The following CHD2 variants were observed in gnomAD, a reference collection of about 807,000 sequenced individuals.
CHD2 encodes chromodomain helicase DNA binding protein 2, also known as ATP-dependent chromatin remodeler CHD2.
A neutral mutation model predicts 243.9 loss-of-function variants in CHD2; 28 were observed. That is an observed-to-expected ratio of 0.11 (90% CI 0.09 to 0.16). The LOEUF is 0.16. CHD2 is among the 10% of genes least tolerant of loss of function. CHD2 has a pLI of 1.00. For missense variants in CHD2, 1,386 were observed against 2,209.8 expected (o/e 0.63, Z 7.47); for synonymous variants, 775 against 779.0 (o/e 0.99, Z 0.09).
At chr15:92,946,994 G>A (rs1386633609) in intron 12 of CHD2, 1 of 151,838 alleles carries the variant, frequency 6.6e-6, no homozygotes, top group East Asian at 1.9e-4. Flanking sequence ...TGAATTCTAA[G>A]TTAGAAATTA....
rs2054195849 is a variant in CHD2 at position 92,996,894 on chromosome 15, AC to A, written c.3596-62del. On this transcript the variant is annotated intron_variant, in intron 28 of 38. Coordinates refer to ENST00000394196, the MANE Select transcript of CHD2 (RefSeq NM_001271.4). ...GACTAAGAGGTCAGGGTTCGTTGAT[AC>A]ATGTTTTCTGTGGAACTTCTGCAGA... 2.0e-6 allele frequency: 3 copies of A among 1,519,560 alleles called. No homozygotes were observed. The South Asian group carries it at 3.8e-5, about 19-fold the overall frequency. The allele number at this position is 1,519,560 out of a possible 1,614,324, so 94.1% of individuals were successfully genotyped here.
At chr15:93,019,919 G>C (rs994004275) in intron 37 of CHD2, 93 bp from the exon 38 acceptor site, 1 of 1,446,448 alleles carries the variant, frequency 6.9e-7, no homozygotes, top group African/African-American at 1.4e-5. Context: ...GGCAAACAGA[G>C]CACGACTCCA....
intron 18 of CHD2, 137 bp downstream of exon 18, chr15:92,972,064 G>A: frequency 9.3e-7 from 1 of 1,076,578 alleles, no homozygotes; most frequent in East Asian, 2.6e-5. Context: ...GAGAGAAAAG[G>A]TAACTAAGAA....
rs372731231 is a variant in CHD2 at position 93,009,498 on chromosome 15, A to G, written c.4592+175A>G. The stretch of plus-strand genomic sequence containing the variant: ...CCCTTTCCATGAAATAGGCCATTCC[A>G]CTGAGACCAGCCTTTTGAAGGGGTA... On this transcript the variant is annotated intron_variant, in intron 35 of 38. Transcript: ENST00000394196. 4.9e-4 allele frequency: 291 copies of G among 588,496 alleles called. 1 individual carries two copies. Among genetic ancestry groups the G allele is most frequent in the African/African-American group, 4.9e-3 (265 of 54,060 alleles). The allele number at this position is 588,496 out of a possible 1,614,324, so 36.5% of individuals were successfully genotyped here. A position where few individuals can be genotyped will look rare whatever the true frequency, so the allele number is the denominator to read the frequency against.
rs2054581370 is a variant in CHD2, at chr15:93,025,694, A to G, written c.*989A>G. 1 of 152,278 alleles carries G rather than the reference A, an allele frequency of 6.6e-6. No homozygotes were observed. The highest frequency in any genetic ancestry group is 2.4e-5 in the African/African-American group (1 of 41,444). The allele number at this position is 152,278 out of a possible 1,614,324, so 9.4% of individuals were successfully genotyped here. ...TGCTGACCAACTTGTTGCAATCACA[A>G]AGGTGGGGGTCCTGGTGCAGGCAGT... On this transcript the variant is annotated 3_prime_UTR_variant, in exon 39 of 39. Transcript: ENST00000394196.
intron 17 of CHD2, among the ~76,000 whole-genome samples, chr15:92,969,482 C>T (rs2053811825): frequency 6.6e-6 from 1 of 152,224 alleles, no homozygotes; most frequent in Non-Finnish European, 1.5e-5. Context: ...GAGTCCGAGG[C>T]TGTTGAGTCT....
In CHD2 at chr15:93,024,789, C is replaced by A; in HGVS notation, c.*84C>A. ...ATCCTACAGTAGCCGGTTATCTAGA[C>A]CAGTAAGTGGAGTTTTGGACATGCT... On this transcript the variant is annotated 3_prime_UTR_variant, in exon 39 of 39. Transcript: ENST00000394196. The A allele has an allele frequency of 2.5e-6, 3 of 1,193,700 alleles. No individual in the cohort carries two copies. Among genetic ancestry groups the A allele is most frequent in the Non-Finnish European group, 3.5e-6 (3 of 852,750 alleles). The allele number at this position is 1,193,700 out of a possible 1,614,324, so 73.9% of individuals were successfully genotyped here.
intron 2 of CHD2, among the ~76,000 whole-genome samples, chr15:92,908,150 C>T (rs2052657102): frequency 6.6e-6 from 1 of 151,846 alleles, no homozygotes; most frequent in Admixed American, 6.6e-5. Context: ...CCCACTCCCC[C>T]AAGCTGATAA....
intron 34 of CHD2, among the ~76,000 whole-genome samples, chr15:93,005,689 C>T (rs1422287445): frequency 6.6e-6 from 1 of 152,166 alleles, no homozygotes; most frequent in Non-Finnish European, 1.5e-5. Context: ...TTTCTTTGCA[C>T]TTAACTCTGT....
chr15:92,939,656 G>GGAT lies in CHD2; in HGVS notation c.642_644dup (p.Asp215dup). On this transcript the variant is annotated inframe_insertion, in exon 7 of 39. Transcript: ENST00000394196. The stretch of plus-strand genomic sequence containing the variant: ...GAAAAAAGCAAGATTCTTCTGATGA[G>GGAT]GATGATGATGATGACGAAGCTCCCA... The GGAT allele has an allele frequency of 1.2e-6, 2 of 1,614,052 alleles. No homozygotes were observed. The highest frequency in any genetic ancestry group is 1.7e-6 in the Non-Finnish European group (2 of 1,179,974).
chr15:93,019,354 A>G (rs970280070), intron 37 of CHD2, among the ~76,000 whole-genome samples: 1 of 152,202 alleles, frequency 6.6e-6, no homozygotes, highest in African/African-American at 2.4e-5. Flanking sequence ...AGTCTGCCAC[A>G]GATTGGAAGG....
intron 17 of CHD2, among the ~76,000 whole-genome samples, chr15:92,968,616 T>A (rs1052129646): frequency 6.6e-6 from 1 of 152,216 alleles, no homozygotes; most frequent in African/African-American, 2.4e-5. Context: ...GGTGGAATAC[T>A]TTTATAAAAA....
Position 92,972,505 on chromosome 15 carries a change from T to C in CHD2, c.2505+88T>C. 5 of 1,176,350 alleles carry C rather than the reference T, an allele frequency of 4.3e-6. 1 individual carries two copies. Among genetic ancestry groups the C allele is most frequent in the South Asian group, 3.8e-5 (2 of 53,094 alleles). 72.9% of individuals were successfully genotyped at this position (1,176,350 alleles called of 1,614,324 possible). ...ACCTTCCTACACTGGGTTGTATGCT[T>C]TGCTTGTTAAAGTAGGAAGTAAGAG... On this transcript the variant is annotated intron_variant, in intron 19 of 38. Transcript: ENST00000394196.
intron 16 of CHD2, among the ~76,000 whole-genome samples, chr15:92,966,099 T>C (rs2053759709): frequency 6.7e-6 from 1 of 149,512 alleles, no homozygotes; most frequent in African/African-American, 2.5e-5. Flanking sequence ...AGAGTCTCAC[T>C]GTCACCCAGG....
chr15:92,976,188 G>A lies in CHD2; in HGVS notation c.2577+1238G>A, dbSNP rs563696228. On this transcript the variant is annotated intron_variant, in intron 20 of 38. Transcript: ENST00000394196. ...GAATGTTTCATATTGCCCTGTCTCA[G>A]GGGAAAAAAAAAATTGCTTTTTGCA... is the stretch of plus-strand genomic sequence containing the variant. Among the ~76,000 whole-genome samples, 11 of 151,438 alleles carry A rather than the reference G, an allele frequency of 7.3e-5. 1 individual carries two copies. Among genetic ancestry groups the A allele is most frequent in the Non-Finnish European group, 2.9e-5 (2 of 67,912 alleles).
In CHD2 at chr15:93,002,641, A is replaced by G. The variant is rs191508663; in HGVS notation, c.4278+324A>G. On this transcript the variant is annotated intron_variant, in intron 33 of 38. Transcript: ENST00000394196. The stretch of plus-strand genomic sequence containing the variant: ...ATACGAAATACGTTCTCAGATTCAT[A>G]TTAGAGGAGCACAATCCACAACTGA... Among the ~76,000 whole-genome samples the G allele has an allele frequency of 5.3e-5, 8 of 152,370 alleles. No homozygotes were observed. The East Asian group carries it at 1.5e-3, about 29-fold the overall frequency.
rs1016620155 is a variant in CHD2 at position 93,026,600 on chromosome 15, C to G, written c.*1895C>G. 2 of 152,336 alleles carry G rather than the reference C, an allele frequency of 1.3e-5. No individual in the cohort carries two copies. The highest frequency in any genetic ancestry group is 2.9e-5 in the Non-Finnish European group (2 of 68,094). 9.4% of individuals were successfully genotyped at this position (152,336 alleles called of 1,614,324 possible). ...AAAGCTCCGGTGACTGCATGAGCCA[C>G]CTGGCCACAGTCCTCCCATGGAGGG... On this transcript the variant is annotated 3_prime_UTR_variant, in exon 39 of 39. Coordinates refer to ENST00000394196, the MANE Select transcript of CHD2 (RefSeq NM_001271.4).
At position 93,020,066 on chromosome 15, in the gene CHD2, A is replaced by G. The variant is rs1064795301; in HGVS notation, c.4961A>G (p.Asn1654Ser). 5.0e-6 allele frequency: 8 copies of G among 1,614,018 alleles called. No homozygotes were observed. The highest frequency in any genetic ancestry group is 2.7e-5 in the African/African-American group (2 of 74,904). ...RKFNYGGGNN[N>S]PPWGSDRHHQ... ...TTCAACTATGGTGGTGGCAACAACA[A>G]TCCACCATGGGGAAGCGACAGGCAC... is the stretch of plus-strand genomic sequence containing the variant. Residue 1654 changes from asparagine (N) to serine (S), a missense_variant, in exon 38 of 39, where the codon AAT becomes AGT. Transcript: ENST00000394196.
chr15:92,913,131 A>G (rs1210298641), intron 2 of CHD2, among the ~76,000 whole-genome samples: 6 of 152,170 alleles, frequency 3.9e-5, no homozygotes, highest in Non-Finnish European at 8.8e-5. Context: ...CAGCAATTCT[A>G]GGGTTGTGTC....
Sources: gnomAD v4.1 joint callset for allele counts (sites outside exome capture counted in the v4.1 genomes callset) on GRCh38, gnomAD v4.1.1 for gene constraint, MANE v1.5 for transcripts, NCBI Gene and HGNC (gene_info 2026-07-23, HGNC 2026-07-21) for gene names.